DCC: variants seen among roughly 807,000 people sequenced by gnomAD.
DCC encodes the protein DCC netrin 1 receptor, also known as netrin receptor DCC.
Under a neutral mutation model 172.5 loss-of-function variants are expected in DCC, and 58 were observed. The observed-to-expected ratio is 0.34, with a 90% CI of 0.27 to 0.42. The LOEUF (loss-of-function observed/expected upper bound fraction) is 0.42. Among genes scored for constraint, DCC ranks in the 10% least tolerant of loss-of-function variants. The pLI is 1.00. For synonymous variants in DCC, 709 were observed against 644.5 expected, an observed-to-expected ratio of 1.10 and a Z score of -1.52; for missense variants, 1,740 against 1,791.0, an observed-to-expected ratio of 0.97 and a Z score of 0.51.
chr18:53,269,440 TG>T (rs775873394), intron 12 of DCC, among the ~76,000 whole-genome samples: 10 of 152,170 alleles, frequency 6.6e-5, no homozygotes, highest in Non-Finnish European at 1.5e-4. Flanking sequence ...ACTCCAACTA[TG>T]ACACCCCCTC....
At chr18:52,564,970 G>A (rs375250394) in intron 1 of DCC, among the ~76,000 whole-genome samples, 11 of 152,128 alleles carry the variant, frequency 7.2e-5, no homozygotes, top group South Asian at 4.1e-4. Flanking sequence ...CACTGCTTGC[G>A]AAAGGGAAGC....
At chr18:52,509,166 T>C (rs753098130) in intron 1 of DCC, among the ~76,000 whole-genome samples, 22 of 152,316 alleles carry the variant, frequency 1.4e-4, no homozygotes, top group Non-Finnish European at 2.4e-4. Flanking sequence ...GCATTTGAAT[T>C]GAAATGTGTT....
intron 1 of DCC, among the ~76,000 whole-genome samples, chr18:52,702,001 T>C (rs1052544894): frequency 1.3e-5 from 2 of 152,192 alleles, no homozygotes; most frequent in African/African-American, 4.8e-5. Context: ...GCATCTCTTG[T>C]GAATCACATA....
At chr18:52,626,159 ATC>A (rs1197180202) in intron 1 of DCC, among the ~76,000 whole-genome samples, 1 of 152,188 alleles carries the variant, frequency 6.6e-6, no homozygotes, top group Non-Finnish European at 1.5e-5. Flanking sequence ...CCTACTTGAT[ATC>A]TCTGCATGGA....
At chr18:52,448,384 C>T (rs1988193098) in intron 1 of DCC, among the ~76,000 whole-genome samples, 1 of 152,054 alleles carries the variant, frequency 6.6e-6, no homozygotes, top group Non-Finnish European at 1.5e-5. Flanking sequence ...TAGAATAATG[C>T]TTTGGTGAAC....
At chr18:52,888,817 C>T (rs2039605971) in intron 2 of DCC, among the ~76,000 whole-genome samples, 2 of 151,470 alleles carry the variant, frequency 1.3e-5, no homozygotes, top group Non-Finnish European at 2.9e-5. Context: ...ATACAGAAGC[C>T]CACATAAAAA....
In DCC at chr18:53,158,489, G is replaced by A. The variant is rs139387183; in HGVS notation, c.1418+977G>A. 5.2e-3 allele frequency among the ~76,000 whole-genome samples: 794 copies of A among 152,202 alleles called. 7 individuals are homozygous for A. The highest frequency in any genetic ancestry group is 0.034 in the Middle Eastern group (10 of 294). On this transcript the variant is annotated intron_variant, in intron 8 of 28. Transcript: ENST00000442544. ...AAATTTGTGAGTGCTGTAAACATGT[G>A]ATGATCTTTAGAATTCAAAAGGGGA...
At chr18:52,584,614 C>A (rs1161320639) in intron 1 of DCC, among the ~76,000 whole-genome samples, 1 of 152,148 alleles carries the variant, frequency 6.6e-6, no homozygotes, top group East Asian at 1.9e-4. Flanking sequence ...AGTATTATAA[C>A]CCTGGGCAAG....
chr18:53,460,274 GTTTTTTTTTT>G (rs766940670), intron 24 of DCC, among the ~76,000 whole-genome samples: 8 of 81,092 alleles, frequency 9.9e-5, no homozygotes, highest in South Asian at 5.0e-4. Context: ...AGGAGCTCCT[GTTTTTTTTTT>G]TTTTTTTTTT....
At chr18:52,543,096 G>A (rs1842724213) in intron 1 of DCC, among the ~76,000 whole-genome samples, 1 of 152,176 alleles carries the variant, frequency 6.6e-6, no homozygotes, top group Non-Finnish European at 1.5e-5. Flanking sequence ...TGGGGAGGCT[G>A]AGTTCTTTAT....
At chr18:52,927,189 G>C (rs1306705980) in intron 5 of DCC, among the ~76,000 whole-genome samples, 2 of 135,622 alleles carry the variant, frequency 1.5e-5, no homozygotes, top group Non-Finnish European at 3.2e-5. Flanking sequence ...GTATATATAC[G>C]TATATATAGG....
At chr18:53,095,847 A>G (rs2043079547) in intron 7 of DCC, among the ~76,000 whole-genome samples, 1 of 148,410 alleles carries the variant, frequency 6.7e-6, no homozygotes, top group African/African-American at 2.5e-5. Flanking sequence ...CCACAAAAAC[A>G]CTTATTCTTC....
At chr18:53,462,413 C>A (rs1461017084) in intron 24 of DCC, among the ~76,000 whole-genome samples, 1 of 151,872 alleles carries the variant, frequency 6.6e-6, no homozygotes, top group Non-Finnish European at 1.5e-5. Context: ...TGTGAGGGAT[C>A]TAGGCTGCAC....
chr18:53,366,462 G>A (rs945218018), intron 15 of DCC, among the ~76,000 whole-genome samples: 2 of 151,970 alleles, frequency 1.3e-5, no homozygotes, highest in Non-Finnish European at 2.9e-5. Context: ...AGAATGGTAG[G>A]CACTAAGAAT....
intron 3 of DCC, among the ~76,000 whole-genome samples, chr18:52,916,113 C>A (rs2040035138): frequency 6.6e-6 from 1 of 151,790 alleles, no homozygotes; most frequent in African/African-American, 2.4e-5. Context: ...CCACATGTGT[C>A]AACATAGGAA....
At chr18:52,967,627 C>A (rs1225211404) in intron 5 of DCC, among the ~76,000 whole-genome samples, 1 of 152,154 alleles carries the variant, frequency 6.6e-6, no homozygotes, top group Admixed American at 6.5e-5. Flanking sequence ...TCTGGTTAAT[C>A]TATACTTTCT....
intron 7 of DCC, among the ~76,000 whole-genome samples, chr18:53,104,725 T>C (rs2043220391): frequency 1.3e-5 from 2 of 152,102 alleles, no homozygotes; most frequent in Admixed American, 1.3e-4. Context: ...TTAATATGGA[T>C]TAATTAACCA....
At chr18:52,831,403 G>A (rs184554896) in intron 2 of DCC, among the ~76,000 whole-genome samples, 13 of 152,244 alleles carry the variant, frequency 8.5e-5, no homozygotes, top group Non-Finnish European at 1.6e-4. Flanking sequence ...GCTGTGTTGC[G>A]CTGGAATATG....
chr18:53,320,297 C>T (rs2057395896), intron 13 of DCC, among the ~76,000 whole-genome samples: 1 of 152,110 alleles, frequency 6.6e-6, no homozygotes, highest in Non-Finnish European at 1.5e-5. Context: ...TGGTCTCGAT[C>T]TCCTGACTTT....
Sources: allele counts gnomAD v4.1 joint callset (sites outside exome capture counted in the v4.1 genomes callset), GRCh38; gene constraint gnomAD v4.1.1; transcripts MANE v1.5; gene names NCBI Gene and HGNC (gene_info 2026-07-23, HGNC 2026-07-21).